The following NFATC1 variants were observed in gnomAD, a reference collection of about 807,000 sequenced individuals.
The protein encoded by NFATC1 is nuclear factor of activated T cells 1.
A neutral mutation model predicts 76.0 loss-of-function variants in NFATC1; 22 were observed. The observed-to-expected ratio is 0.29, with a 90% CI of 0.21 to 0.41. The LOEUF (loss-of-function observed/expected upper bound fraction) is 0.41. Among genes scored for constraint, NFATC1 ranks in the 10% least tolerant of loss-of-function variants. The pLI is 1.00. For missense variants in NFATC1, 1,357 were observed against 1,337.7 expected (o/e 1.01, Z -0.23); for synonymous variants, 704 against 613.1 (o/e 1.15, Z -2.19).
At chr18:79,482,338 CGTGACCTGGTCCTGGGGTGTCATTCCAGT>C in intron 8 of NFATC1, among the ~76,000 whole-genome samples, 1 of 124,266 alleles carries the variant, frequency 8.0e-6, no homozygotes, top group East Asian at 2.7e-4. Flanking sequence ...GTCATTCCAG[CGTGACCTGGTCCTGGGGTGTCATTCCAGT>C]GTGACGTGGT....
At chr18:79,448,503 C>T in intron 3 of NFATC1, 1 of 476,578 alleles carries the variant, frequency 2.1e-6, no homozygotes, top group South Asian at 2.8e-5. Context: ...CCCCTGCCAG[C>T]TTCACTGTGG....
At chr18:79,473,506 G>A (rs2088873329) in intron 8 of NFATC1, among the ~76,000 whole-genome samples, 1 of 149,694 alleles carries the variant, frequency 6.7e-6, no homozygotes, top group African/African-American at 2.5e-5. Flanking sequence ...CACTATCGAC[G>A]TAAACCTGAG....
At chr18:79,453,909 G>A (rs547243883) in intron 6 of NFATC1, among the ~76,000 whole-genome samples, 22 of 152,330 alleles carry the variant, frequency 1.4e-4, no homozygotes, top group South Asian at 4.1e-4. Flanking sequence ...GGCGGGAGCC[G>A]TTGCTTACAA....
At chr18:79,407,879 A>G (rs138418457) in intron 1 of NFATC1, among the ~76,000 whole-genome samples, 207 of 152,360 alleles carry the variant, frequency 1.4e-3, no homozygotes, top group African/African-American at 4.6e-3. Flanking sequence ...CAAGGCGCTC[A>G]GCCTCAGCGG....
chr18:79,525,451 C>T (rs372659947), intron 9 of NFATC1, among the ~76,000 whole-genome samples: 1 of 23,282 alleles, frequency 4.3e-5, no homozygotes, highest in East Asian at 6.6e-4. Context: ...CGTCGTTACC[C>T]CTCAGTCCTC....
intron 9 of NFATC1, among the ~76,000 whole-genome samples, chr18:79,513,575 G>A (rs1444274135): frequency 6.6e-6 from 1 of 152,272 alleles, no homozygotes; most frequent in African/African-American, 2.4e-5. Context: ...GTGCTTTCCC[G>A]CCGGCGGGGG....
At chr18:79,463,461 G>C (rs534249964) in intron 7 of NFATC1, among the ~76,000 whole-genome samples, 1 of 147,986 alleles carries the variant, frequency 6.8e-6, no homozygotes, top group Non-Finnish European at 1.5e-5. Flanking sequence ...TGTCCATACC[G>C]GCCTCTCCTC....
intron 2 of NFATC1, among the ~76,000 whole-genome samples, chr18:79,429,052 C>T (rs918226999): frequency 1.3e-5 from 2 of 152,074 alleles, no homozygotes; most frequent in African/African-American, 4.8e-5. Flanking sequence ...GAAACTGTGT[C>T]TCTACTAAAA....
At chr18:79,467,910 ATT>A in intron 8 of NFATC1, 1 of 1,151,328 alleles carries the variant, frequency 8.7e-7, no homozygotes, top group Non-Finnish European at 1.1e-6. Flanking sequence ...CCTGGTGTGC[ATT>A]TGCACCCTAA....
intron 1 of NFATC1, chr18:79,400,264 G>GGGGCGC: frequency 8.5e-7 from 1 of 1,171,136 alleles, no homozygotes; most frequent in South Asian, 3.5e-5. Flanking sequence ...CCGGGGGGCG[G>GGGGCGC]GGGCGGGGCG....
chr18:79,519,102 A>G (rs1228442809), intron 9 of NFATC1, among the ~76,000 whole-genome samples: 2 of 152,176 alleles, frequency 1.3e-5, no homozygotes, highest in Non-Finnish European at 2.9e-5. Flanking sequence ...TTCAGGTGCA[A>G]AGACCTCGCC....
chr18:79,409,248 C>G (rs576394015), intron 1 of NFATC1, among the ~76,000 whole-genome samples: 10 of 150,102 alleles, frequency 6.7e-5, no homozygotes, highest in Admixed American at 2.0e-4. Flanking sequence ...TCCATTATTC[C>G]TCCATTCCCT....
At chr18:79,452,695 A>C (rs1301068695) in intron 6 of NFATC1, among the ~76,000 whole-genome samples, 1 of 152,166 alleles carries the variant, frequency 6.6e-6, no homozygotes, top group East Asian at 1.9e-4. Context: ...CCCAGCCCTC[A>C]AGGGGGTTCA....
intron 7 of NFATC1, among the ~76,000 whole-genome samples, chr18:79,462,664 C>T (rs1336976870): frequency 1.3e-5 from 2 of 152,186 alleles, no homozygotes; most frequent in Non-Finnish European, 2.9e-5. Context: ...TTTGAGTGTT[C>T]TGTTTAGTCC....
intron 9 of NFATC1, among the ~76,000 whole-genome samples, chr18:79,513,844 G>C (rs2090318098): frequency 6.6e-6 from 1 of 152,210 alleles, no homozygotes; most frequent in Admixed American, 6.5e-5. Flanking sequence ...GGGTACACTG[G>C]CTGTGCCATG....
At chr18:79,456,927 C>T (rs2087764497) in intron 6 of NFATC1, among the ~76,000 whole-genome samples, 2 of 152,224 alleles carry the variant, frequency 1.3e-5, no homozygotes, top group South Asian at 4.1e-4. Context: ...CAGCTGTCAC[C>T]TCCTGAAGAT....
intron 9 of NFATC1, chr18:79,493,868 C>CTT (rs2089777916): frequency 6.6e-6 from 1 of 152,248 alleles, no homozygotes; most frequent in Admixed American, 6.5e-5. Flanking sequence ...GGTTTCAAGG[C>CTT]GTAAAAATCG....
chr18:79,481,970 G>A (rs2089290483), intron 8 of NFATC1, among the ~76,000 whole-genome samples: 1 of 145,162 alleles, frequency 6.9e-6, no homozygotes, highest in Non-Finnish European at 1.5e-5. Flanking sequence ...GGTTCCTGGG[G>A]TGTCATTCCA....
At chr18:79,515,986 A>G (rs2090372394) in intron 9 of NFATC1, 2 of 150,722 alleles carry the variant, frequency 1.3e-5, no homozygotes, top group South Asian at 4.2e-4. Context: ...CCGTGGAAAC[A>G]CGCGCCCGCA....
Sources: gnomAD v4.1 joint callset for allele counts (sites outside exome capture counted in the v4.1 genomes callset) on GRCh38, gnomAD v4.1.1 for gene constraint, MANE v1.5 for transcripts, NCBI Gene and HGNC (gene_info 2026-07-23, HGNC 2026-07-21) for gene names.